EYS: variants seen among roughly 807,000 people sequenced by gnomAD.
EYS encodes EGF-like photoreceptor maintenance factor, also known as protein eyes shut homolog.
Under a neutral mutation model 282.1 loss-of-function variants are expected in EYS, and 250 were observed. The ratio of observed to expected loss-of-function variants is 0.89; its 90% CI spans 0.80 to 0.98. The LOEUF (loss-of-function observed/expected upper bound fraction) is 0.98. Ranked by LOEUF, EYS falls within the 50% of genes least tolerant of loss-of-function variation. The pLI, the probability that EYS is intolerant of heterozygous loss-of-function variation, is 0.00. For missense variants in EYS, 4,016 were observed against 3,709.0 expected, an observed-to-expected ratio of 1.08 and a Z score of -2.15; for synonymous variants, 1,355 against 1,282.9, an observed-to-expected ratio of 1.06 and a Z score of -1.20.
At chr6:64,676,351 T>TATATATATATCTATATATATAGAG (rs1554192088) in intron 22 of EYS, among the ~76,000 whole-genome samples, 1 of 145,462 alleles carries the variant, frequency 6.9e-6, no homozygotes, top group Non-Finnish European at 1.5e-5. Flanking sequence ...TATATATATA[T>TATATATATATCTATATATATAGAG]AGAGAGAGAG....
intron 35 of EYS, among the ~76,000 whole-genome samples, chr6:63,906,538 A>G (rs2149734883): frequency 6.6e-6 from 1 of 152,338 alleles, no homozygotes; most frequent in South Asian, 2.1e-4. Context: ...TTTGGATTCA[A>G]ATGATGGCCT....
chr6:63,850,051 T>C (rs58669837), intron 36 of EYS, among the ~76,000 whole-genome samples: 18,594 of 152,052 alleles, frequency 0.12, 1,380 homozygotes, highest in African/African-American at 0.2. Flanking sequence ...CATAGCTGAA[T>C]TGATCAAGTG....
intron 14 of EYS, among the ~76,000 whole-genome samples, chr6:64,973,048 T>C (rs1026769778): frequency 1.3e-5 from 2 of 152,044 alleles, no homozygotes; most frequent in African/African-American, 4.8e-5. Flanking sequence ...ATATAATTTA[T>C]AATAAATATG....
At chr6:64,703,408 CACAT>C (rs199576654) in intron 22 of EYS, among the ~76,000 whole-genome samples, 34 of 31,342 alleles carry the variant, frequency 1.1e-3, no homozygotes, top group African/African-American at 2.4e-3. Context: ...CACACACACA[CACAT>C]ATATATATAT....
chr6:65,367,614 C>A (rs1764964074), intron 8 of EYS, among the ~76,000 whole-genome samples: 1 of 151,434 alleles, frequency 6.6e-6, no homozygotes, highest in African/African-American at 2.4e-5. Context: ...TTATCACTTA[C>A]AAAAGTTCCG....
At chr6:64,189,960 C>CT (rs1206739293) in intron 31 of EYS, among the ~76,000 whole-genome samples, 2 of 152,152 alleles carry the variant, frequency 1.3e-5, no homozygotes, top group East Asian at 3.8e-4. Flanking sequence ...ATTTTCCTTC[C>CT]TTTGTCTATA....
At chr6:65,197,738 A>C (rs1188852972) in intron 12 of EYS, among the ~76,000 whole-genome samples, 2 of 152,100 alleles carry the variant, frequency 1.3e-5, no homozygotes, top group African/African-American at 2.4e-5. Context: ...ACCTAAACAG[A>C]AAACATACAG....
intron 31 of EYS, among the ~76,000 whole-genome samples, chr6:64,131,542 C>T (rs1249038233): frequency 6.6e-6 from 1 of 151,898 alleles, no homozygotes; most frequent in South Asian, 2.1e-4. Context: ...TGTGGGGGAG[C>T]AGTGCGGGGA....
intron 41 of EYS, among the ~76,000 whole-genome samples, chr6:63,735,393 T>C (rs1351568889): frequency 6.6e-6 from 1 of 152,050 alleles, no homozygotes; most frequent in Non-Finnish European, 1.5e-5. Flanking sequence ...CTCATCTCTT[T>C]CACCCAGACT....
At chr6:64,784,197 T>G (rs1347677172) in intron 22 of EYS, among the ~76,000 whole-genome samples, 2 of 152,072 alleles carry the variant, frequency 1.3e-5, no homozygotes, top group Non-Finnish European at 2.9e-5. Flanking sequence ...CTTTCTTTTC[T>G]TTTTTGTTTC....
At chr6:65,691,163 T>A (rs888269523) in intron 1 of EYS, among the ~76,000 whole-genome samples, 1 of 150,314 alleles carries the variant, frequency 6.7e-6, no homozygotes, top group Admixed American at 6.7e-5. Context: ...CCATTCTGCC[T>A]TCCACAATGG....
intron 22 of EYS, among the ~76,000 whole-genome samples, chr6:64,705,741 A>T (rs1770982769): frequency 6.7e-6 from 1 of 148,834 alleles, no homozygotes; most frequent in African/African-American, 2.5e-5. Context: ...AAAACCAAAC[A>T]CCGCATATTC....
chr6:63,840,211 CTTA>C (rs377459471), intron 36 of EYS, among the ~76,000 whole-genome samples: 282 of 140,468 alleles, frequency 2.0e-3, no homozygotes, highest in African/African-American at 6.5e-3. Flanking sequence ...CCATGCCCAT[CTTA>C]TTATTATTAT....
In EYS at chr6:64,149,106, T is replaced by C. The variant is rs1774617751; in HGVS notation, c.6425-67104A>G. Reference sequence around the variant, plus strand: ...CTGTCCCTGACATAGATATCATTTTTCAGCTTTTTCTAGTGACGCTGCTTA... The same window carrying C: ...CTGTCCCTGACATAGATATCATTTTCCAGCTTTTTCTAGTGACGCTGCTTA... On this transcript the variant is annotated intron_variant, in intron 31 of 42. Coordinates refer to ENST00000503581, the MANE Select transcript of EYS (RefSeq NM_001142800.2). 2.0e-5 allele frequency among the ~76,000 whole-genome samples: 3 copies of C among 152,300 alleles called. No homozygotes were observed. The South Asian group carries it at 6.2e-4, about 32-fold the overall frequency.
At chr6:64,306,705 T>C (rs1430457468) in intron 30 of EYS, among the ~76,000 whole-genome samples, 1 of 152,198 alleles carries the variant, frequency 6.6e-6, no homozygotes, top group Non-Finnish European at 1.5e-5. Flanking sequence ...GAAGATGTTT[T>C]CTGATTGTGA....
At chr6:64,240,695 A>G (rs1298268155) in intron 30 of EYS, among the ~76,000 whole-genome samples, 2 of 152,198 alleles carry the variant, frequency 1.3e-5, no homozygotes, top group Admixed American at 1.3e-4. Flanking sequence ...CGTCATCTGC[A>G]AACAGAGACA....
chr6:65,534,344 T>A (rs1767890924), intron 2 of EYS, among the ~76,000 whole-genome samples: 1 of 152,152 alleles, frequency 6.6e-6, no homozygotes, highest in South Asian at 2.1e-4. Context: ...ATATGAAGTT[T>A]ACTGAATAAT....
chr6:65,675,844 G>T (rs1043058532), intron 1 of EYS, among the ~76,000 whole-genome samples: 1 of 151,784 alleles, frequency 6.6e-6, no homozygotes, highest in Admixed American at 6.6e-5. Flanking sequence ...ATACATTGTA[G>T]GTTGCAACAC....
At chr6:63,913,798 A>G (rs924725569) in intron 35 of EYS, among the ~76,000 whole-genome samples, 3 of 152,206 alleles carry the variant, frequency 2.0e-5, no homozygotes, top group African/African-American at 7.2e-5. Context: ...AGGTACAGAC[A>G]TACCTTGTTT....
Sources: allele counts gnomAD v4.1 joint callset (sites outside exome capture counted in the v4.1 genomes callset), GRCh38; gene constraint gnomAD v4.1.1; transcripts MANE v1.5; gene names NCBI Gene and HGNC (gene_info 2026-07-23, HGNC 2026-07-21).